BANK1: variants seen among roughly 807,000 people sequenced by gnomAD.
BANK1 encodes the protein B cell scaffold protein with ankyrin repeats 1.
BANK1 carries 95 observed loss-of-function variants against 94.5 expected under a neutral mutation model. That is an observed-to-expected ratio of 1.00 (90% CI 0.85 to 1.19). The LOEUF is 1.19. Ranked by LOEUF, BANK1 falls within the 50% of genes most tolerant of loss-of-function variation. BANK1 has a pLI of 0.00. For missense variants in BANK1, 987 were observed against 932.2 expected, an observed-to-expected ratio of 1.06 and a Z score of -0.77; for synonymous variants, 334 against 308.4, an observed-to-expected ratio of 1.08 and a Z score of -0.87.
intron 3 of BANK1, among the ~76,000 whole-genome samples, chr4:101,856,941 C>T (rs1727700574): frequency 6.6e-6 from 1 of 152,080 alleles, no homozygotes. Flanking sequence ...TTATCCCAGA[C>T]AAGATTTTTT....
intron 7 of BANK1, among the ~76,000 whole-genome samples, chr4:101,973,500 T>C (rs148692422): frequency 1.3e-5 from 2 of 152,244 alleles, no homozygotes; most frequent in East Asian, 3.9e-4. Flanking sequence ...CTCTAAATTC[T>C]ACTGCCTTAG....
At chr4:102,050,524 A>G (rs1265113824) in intron 11 of BANK1, among the ~76,000 whole-genome samples, 1 of 152,220 alleles carries the variant, frequency 6.6e-6, no homozygotes, top group African/African-American at 2.4e-5. Context: ...AAAAGAAACT[A>G]TGTTTCAGAG....
Position 102,062,791 on chromosome 4 carries a change from T to C in BANK1, c.2149-284T>C, listed in dbSNP as rs1434599792. Reference sequence around the variant, plus strand: ...AGAATTGCACTCTAGGATCCAATCTTGACTCTACCACTTATAACTATGAAT... The same window carrying C: ...AGAATTGCACTCTAGGATCCAATCTCGACTCTACCACTTATAACTATGAAT... On this transcript the variant is annotated intron_variant, in intron 12 of 16. Transcript: ENST00000322953. The C allele has an allele frequency of 2.6e-5, 8 of 308,620 alleles. No individual in the cohort carries two copies. In the East Asian group the frequency reaches 5.1e-4, roughly 20 times the overall value. 19.1% of individuals were successfully genotyped at this position (308,620 alleles called of 1,614,324 possible). A position where few individuals can be genotyped will look rare whatever the true frequency, so the allele number is the denominator to read the frequency against.
At chr4:101,957,109 CTAA>C (rs1578420189) in intron 7 of BANK1, among the ~76,000 whole-genome samples, 1 of 152,168 alleles carries the variant, frequency 6.6e-6, no homozygotes, top group East Asian at 1.9e-4. Flanking sequence ...AGAACACATA[CTAA>C]TGAGAAGATA....
intron 1 of BANK1, among the ~76,000 whole-genome samples, chr4:101,825,899 G>A (rs894226189): frequency 6.6e-6 from 1 of 151,976 alleles, no homozygotes; most frequent in African/African-American, 2.4e-5. Flanking sequence ...GACTACCTGT[G>A]TAATTTTCTT....
At chr4:101,866,147 A>T (rs1728060399) in intron 4 of BANK1, among the ~76,000 whole-genome samples, 1 of 152,182 alleles carries the variant, frequency 6.6e-6, no homozygotes, top group African/African-American at 2.4e-5. Flanking sequence ...ATAAAAAGAG[A>T]TAAACTTTGA....
chr4:101,810,186 T>C (rs1040281848), intron 1 of BANK1, among the ~76,000 whole-genome samples: 2 of 152,160 alleles, frequency 1.3e-5, no homozygotes, highest in African/African-American at 4.8e-5. Flanking sequence ...CAAGTAAATA[T>C]ATTGATTCCT....
chr4:101,967,886 G>C (rs1000441557), intron 7 of BANK1, among the ~76,000 whole-genome samples: 3 of 152,060 alleles, frequency 2.0e-5, no homozygotes, highest in African/African-American at 7.2e-5. Context: ...CTCAGAATAA[G>C]ATTCAACAGC....
At chr4:101,971,915 G>A (rs1724969998) in intron 7 of BANK1, among the ~76,000 whole-genome samples, 1 of 152,048 alleles carries the variant, frequency 6.6e-6, no homozygotes, top group African/African-American at 2.4e-5. Context: ...AAGTCAGGTA[G>A]TGTGATACTT....
intron 6 of BANK1, among the ~76,000 whole-genome samples, chr4:101,915,262 A>G (rs1722791012): frequency 6.6e-6 from 1 of 152,132 alleles, no homozygotes; most frequent in Admixed American, 6.6e-5. Flanking sequence ...AAATGACACT[A>G]TGACTAAATA....
chr4:101,855,751 A>C (rs191196491), intron 3 of BANK1, among the ~76,000 whole-genome samples: 46 of 152,306 alleles, frequency 3.0e-4, no homozygotes, highest in Admixed American at 2.5e-3. Flanking sequence ...TTAGGACCAC[A>C]CCATATTTTC....
At chr4:101,829,389 A>G (rs1249592928) in intron 1 of BANK1, among the ~76,000 whole-genome samples, 2 of 151,250 alleles carry the variant, frequency 1.3e-5, no homozygotes, top group African/African-American at 4.8e-5. Flanking sequence ...CGTATTTTCA[A>G]CAATTGTGTT....
chr4:102,001,671 A>G (rs1726081619), intron 7 of BANK1, among the ~76,000 whole-genome samples: 2 of 152,354 alleles, frequency 1.3e-5, no homozygotes, highest in South Asian at 2.1e-4. Flanking sequence ...GCAGTCAACC[A>G]CAGCTGATCA....
intron 7 of BANK1, among the ~76,000 whole-genome samples, chr4:101,952,163 CTG>C (rs902525376): frequency 2.0e-5 from 3 of 152,012 alleles, no homozygotes; most frequent in African/African-American, 4.8e-5. Context: ...TATTTGGAAA[CTG>C]TGACTTTAAG....
intron 7 of BANK1, among the ~76,000 whole-genome samples, chr4:101,989,124 A>G (rs894785081): frequency 2.0e-5 from 3 of 152,042 alleles, no homozygotes; most frequent in Non-Finnish European, 4.4e-5. Flanking sequence ...GCCTGGGCCA[A>G]CATAGCAAGA....
intron 7 of BANK1, among the ~76,000 whole-genome samples, chr4:101,981,226 G>T (rs988332589): frequency 2.6e-5 from 4 of 151,972 alleles, no homozygotes; most frequent in African/African-American, 4.8e-5. Flanking sequence ...TGTTTATCAG[G>T]TTATATAACT....
chr4:101,997,201 T>C (rs1028116029), intron 7 of BANK1, among the ~76,000 whole-genome samples: 1 of 152,216 alleles, frequency 6.6e-6, no homozygotes, highest in Non-Finnish European at 1.5e-5. Flanking sequence ...GTGGTTCTTG[T>C]CATTGGTTCT....
chr4:101,890,711 CATTT>C (rs1376273994), intron 5 of BANK1, among the ~76,000 whole-genome samples: 2 of 146,472 alleles, frequency 1.4e-5, no homozygotes, highest in African/African-American at 5.0e-5. Context: ...TCTCTGTTTT[CATTT>C]GTTATTTTTT....
At chr4:101,918,276 C>A in intron 7 of BANK1, 87 bp downstream of exon 7, 1 of 923,362 alleles carries the variant, frequency 1.1e-6, no homozygotes, top group Non-Finnish European at 1.5e-6. Flanking sequence ...ATTACCTTTA[C>A]CGTTTTCTTT....
Sources: allele counts gnomAD v4.1 joint callset (sites outside exome capture counted in the v4.1 genomes callset), GRCh38; gene constraint gnomAD v4.1.1; transcripts MANE v1.5; gene names NCBI Gene and HGNC (gene_info 2026-07-23, HGNC 2026-07-21).